Variants in CHD8 observed in about 807,000 individuals in gnomAD.
CHD8 encodes the protein chromodomain helicase DNA binding protein 8, also known as ATP-dependent chromatin remodeler CHD8.
A neutral mutation model predicts 279.2 loss-of-function variants in CHD8; 31 were observed. The observed-to-expected ratio is 0.11, with a 90% CI of 0.08 to 0.15. CHD8 has a LOEUF of 0.15. CHD8 is among the 10% of genes least tolerant of loss of function. The probability of loss-of-function intolerance (pLI) is 1.00; values close to 1 mark genes in which losing one functional copy is unlikely to be tolerated. For missense variants in CHD8, 2,146 were observed against 3,230.5 expected (o/e 0.66, Z 8.14); for synonymous variants, 1,081 against 1,139.6 (o/e 0.95, Z 1.04).
At chr14:21,433,438 G>A (rs935319325) in intron 1 of CHD8, among the ~76,000 whole-genome samples, 3 of 152,160 alleles carry the variant, frequency 2.0e-5, no homozygotes, top group Admixed American at 1.3e-4. Context: ...TGACAATACA[G>A]GAAAGTCTTG....
In CHD8 at chr14:21,385,367, C is replaced by T; in HGVS notation, c.*246G>A. ...TAGGGAGGGGTGAGCACACCAGCTGCTCTAGTCTCCTTTCCTTCCCCAGAA... is the reference window on the plus strand; with the variant it reads ...TAGGGAGGGGTGAGCACACCAGCTGTTCTAGTCTCCTTTCCTTCCCCAGAA... On this transcript the variant is annotated 3_prime_UTR_variant, in exon 38 of 38. Coordinates refer to ENST00000646647, the MANE Select transcript of CHD8 (RefSeq NM_001170629.2). 1 of 574,514 alleles carries T rather than the reference C, an allele frequency of 1.7e-6. No homozygotes were observed. Among genetic ancestry groups the T allele is most frequent in the Middle Eastern group, 4.7e-4 (1 of 2,140 alleles). The allele number at this position is 574,514 out of a possible 1,614,324, so 35.6% of individuals were successfully genotyped here.
Position 21,405,841 on chromosome 14 carries a change from T to C in CHD8, c.2931A>G (p.Gly977=), listed in dbSNP as rs1414398139. The C allele has an allele frequency of 5.0e-6, 8 of 1,613,598 alleles. No homozygotes were observed. The highest frequency in any genetic ancestry group is 6.8e-6 in the Non-Finnish European group (8 of 1,179,664). ...MDLEHKVLLT[G]TPLQNTVEEL... ...CTTCTACAGTATTTTGCAATGGTGT[T>C]CCTGTGAGTAGCACCTTGTGTTCCT... Residue 977 remains glycine (G), a synonymous_variant, in exon 15 of 38, where the codon GGA becomes GGG. Coordinates refer to ENST00000646647, the MANE Select transcript of CHD8 (RefSeq NM_001170629.2). This position sits in a 1 kb window ranked among gnomAD's most constrained non-coding sequence, Gnocchi z 4.2.
At chr14:21,418,734 T>G (rs558568789) in intron 5 of CHD8, among the ~76,000 whole-genome samples, 6 of 152,298 alleles carry the variant, frequency 3.9e-5, no homozygotes, top group East Asian at 3.9e-4. Flanking sequence ...GAGAATGGCA[T>G]GAACCCAGGA....
rs931968984 is a variant in CHD8, at chr14:21,417,620, C to T, written c.1717-1713G>A. Among the ~76,000 whole-genome samples the T allele has an allele frequency of 2.6e-5, 4 of 151,732 alleles. No individual in the cohort carries two copies. In the South Asian group the frequency reaches 6.2e-4, roughly 24 times the overall value. ...CTGTAATCCCAGCACTTTGGGAGGC[C>T]GAGGCAGGCGCATCATGAGGTCAGG... On this transcript the variant is annotated intron_variant, in intron 5 of 37. Coordinates refer to ENST00000646647, the MANE Select transcript of CHD8 (RefSeq NM_001170629.2).
chr14:21,401,557 A>G, intron 20 of CHD8, 44 bp from the exon 21 acceptor site: 1 of 867,088 alleles, frequency 1.2e-6, no homozygotes. Flanking sequence ...TTTTTTTTTT[A>G]AGTGGTGCAA....
Position 21,402,819 on chromosome 14 carries a change from A to T in CHD8, c.3714+198T>A, listed in dbSNP as rs1888096137. ...TTGGAGATAAGCAGTTGCAACAAAG[A>T]CTCGATGGCTCACAAAGCCTAAAAC... is the stretch of plus-strand genomic sequence containing the variant. On this transcript the variant is annotated intron_variant, in intron 18 of 37. Transcript: ENST00000646647. The surrounding 1 kb of genome is among the most constrained non-coding windows in gnomAD (Gnocchi z 4.5). Among the ~76,000 whole-genome samples, 1 of 152,146 alleles carries T rather than the reference A, an allele frequency of 6.6e-6. No individual in the cohort carries two copies. The highest frequency in any genetic ancestry group is 2.1e-4 in the South Asian group (1 of 4,820).
chr14:21,440,713 T>C (rs1889935973), intron 1 of CHD8, among the ~76,000 whole-genome samples: 1 of 151,932 alleles, frequency 6.6e-6, no homozygotes, highest in African/African-American at 2.4e-5. Context: ...AGGAACTGGA[T>C]AGAGATGAAG....
chr14:21,409,314 C>T (rs1888382045), intron 11 of CHD8, among the ~76,000 whole-genome samples: 1 of 152,128 alleles, frequency 6.6e-6, no homozygotes, highest in Non-Finnish European at 1.5e-5. Flanking sequence ...ATGGAAAATC[C>T]TACAAAACAA....
At chr14:21,431,995 A>C (rs1361633390) in intron 1 of CHD8, 137 bp from the exon 2 acceptor site, 1 of 630,110 alleles carries the variant, frequency 1.6e-6, no homozygotes, top group African/African-American at 1.8e-5. Context: ...CTGAGGACGG[A>C]CATACAGCAG....
intron 33 of CHD8, 84 bp downstream of exon 33, chr14:21,393,022 G>C: frequency 7.0e-7 from 1 of 1,428,954 alleles, no homozygotes; most frequent in East Asian, 2.4e-5. Context: ...TAAAAATCCA[G>C]AACCATATGT....
intron 10 of CHD8, among the ~76,000 whole-genome samples, chr14:21,412,434 G>A (rs1221279445): frequency 3.3e-5 from 5 of 152,240 alleles, no homozygotes; most frequent in East Asian, 1.9e-4. Flanking sequence ...GTGGGCCACC[G>A]CGCCTGGCCA....
rs1371760980 is a variant in CHD8 at position 21,415,548 on chromosome 14, T to TAAAAAA, written c.1968+25_1968+26insTTTTTT. The TAAAAAA allele has an allele frequency of 1.2e-5, 12 of 990,510 alleles. No individual in the cohort carries two copies. The African/African-American group carries it at 2.2e-4, about 18-fold the overall frequency. The allele number at this position is 990,510 out of a possible 1,614,324, so 61.4% of individuals were successfully genotyped here. On this transcript the variant is annotated intron_variant, in intron 7 of 37. Coordinates refer to ENST00000646647, the MANE Select transcript of CHD8 (RefSeq NM_001170629.2). ...AAATAAATAAATAAATAAATAAAAA[T>TAAAAAA]AATAATAATAATAAAAAGCCCTCAC...
At position 21,431,009 on chromosome 14, in the gene CHD8, C is replaced by G; in HGVS notation, c.635G>C (p.Arg212Pro). 1 of 1,599,452 alleles carries G rather than the reference C, an allele frequency of 6.3e-7. No homozygotes were observed. Among genetic ancestry groups the G allele is most frequent in the Non-Finnish European group, 8.5e-7 (1 of 1,179,774 alleles). The stretch of plus-strand genomic sequence containing the variant: ...ACCAGAGACAATGGAAACACCTGGT[C>G]GAAGGGGTGTGCCGGTTAGCACTTT... ...FTKVLTGTPLRPGVSIVSGNT... is the reference protein window; with the variant it reads ...FTKVLTGTPLPPGVSIVSGNT... The change falls in exon 2 of 38, where the codon CGA (arginine) becomes CCA (proline). Residue 212 changes from arginine to proline, a missense_variant. By Grantham distance (103) the Arg-to-Pro change is moderately radical. Coordinates refer to ENST00000646647, the MANE Select transcript of CHD8 (RefSeq NM_001170629.2).
At chr14:21,392,929 A>T in intron 33 of CHD8, 120 bp from the exon 34 acceptor site, 1 of 1,237,128 alleles carries the variant, frequency 8.1e-7, no homozygotes, top group East Asian at 2.3e-5. Flanking sequence ...AGAAAAGAGG[A>T]AGTTAATACT....
chr14:21,387,667 G>A (rs933376640), intron 37 of CHD8, among the ~76,000 whole-genome samples: 9 of 149,330 alleles, frequency 6.0e-5, no homozygotes, highest in African/African-American at 2.2e-4. Flanking sequence ...AAAGCTGGGT[G>A]TGGTCGTGCA....
At chr14:21,386,680 G>A (rs1003485051) in intron 37 of CHD8, among the ~76,000 whole-genome samples, 5 of 152,012 alleles carry the variant, frequency 3.3e-5, no homozygotes, top group East Asian at 1.9e-4. Context: ...TACTAAAAAT[G>A]CAAAAAATTA....
chr14:21,437,025 G>A, intron 1 of CHD8: 2 of 1,160,352 alleles, frequency 1.7e-6, no homozygotes, highest in Non-Finnish European at 2.3e-6. Context: ...TAGCGGGGGT[G>A]CCCTCCAGGG....
rs1267192142 is a variant in CHD8, at chr14:21,408,232, A to G, written c.2730+80T>C. 3.6e-5 allele frequency: 49 copies of G among 1,358,052 alleles called. No individual in the cohort carries two copies. The highest frequency in any genetic ancestry group is 4.9e-5 in the Non-Finnish European group (48 of 983,228). The allele number at this position is 1,358,052 out of a possible 1,614,324, so 84.1% of individuals were successfully genotyped here. A position where few individuals can be genotyped will look rare whatever the true frequency, so the allele number is the denominator to read the frequency against. ...TGAAGACTTTCAATAAAAGTCTTCTATTCATATATAGCCCTTAAAATACCA... is the reference window on the plus strand; with the variant it reads ...TGAAGACTTTCAATAAAAGTCTTCTGTTCATATATAGCCCTTAAAATACCA... On this transcript the variant is annotated intron_variant, in intron 13 of 37. Transcript: ENST00000646647. The surrounding 1 kb of genome is among the most constrained non-coding windows in gnomAD (Gnocchi z 4.3).
chr14:21,397,264 G>A (rs760198654), intron 27 of CHD8: 3 of 505,550 alleles, frequency 5.9e-6, no homozygotes, highest in East Asian at 5.5e-5. Flanking sequence ...GGAATGGGGA[G>A]GTATTCATTA....
Sources: gnomAD v4.1 joint callset for allele counts (sites outside exome capture counted in the v4.1 genomes callset) on GRCh38, gnomAD v4.1.1 for gene constraint, Gnocchi (gnomAD v3.1) non-coding constraint, MANE v1.5 for transcripts, NCBI Gene and HGNC (gene_info 2026-07-23, HGNC 2026-07-21) for gene names.